Variants in UBXN2B observed in about 807,000 individuals in gnomAD.
UBXN2B encodes the protein UBX domain protein 2B.
In UBXN2B, 19 loss-of-function variants were observed where a neutral mutation model predicts 37.5. The ratio of observed to expected loss-of-function variants is 0.51; its 90% CI spans 0.35 to 0.74. UBXN2B has a LOEUF of 0.74. Ranked by LOEUF, UBXN2B falls within the 30% of genes least tolerant of loss-of-function variation. UBXN2B has a pLI of 0.01. For missense variants in UBXN2B, 370 were observed against 393.2 expected, an observed-to-expected ratio of 0.94 and a Z score of 0.50; for synonymous variants, 145 against 143.8, an observed-to-expected ratio of 1.01 and a Z score of -0.06.
Position 58,441,348 on chromosome 8 carries a change from C to CGTGTATATATATATATATATATATATAT in UBXN2B, c.671+1578_671+1579insGTGTATATATATATATATATATATATAT, listed in dbSNP as rs1242681481. The stretch of plus-strand genomic sequence containing the variant: ...TTTTTACTCCTCTTGTTGTGATCAA[C>CGTGTATATATATATATATATATATATAT]ATATATATATATATATATATGTATG... On this transcript the variant is annotated intron_variant, in intron 6 of 7. Transcript: ENST00000399598. Among the ~76,000 whole-genome samples the CGTGTATATATATATATATATATATATAT allele has an allele frequency of 5.8e-4, 61 of 104,626 alleles. 1 individual carries two copies. The highest frequency in any genetic ancestry group is 2.3e-3 in the African/African-American group (58 of 24,982). 68.6% of individuals were successfully genotyped at this position (104,626 alleles called of 152,430 possible).
chr8:58,417,812 A>G (rs1481104925), intron 2 of UBXN2B, among the ~76,000 whole-genome samples: 1 of 152,184 alleles, frequency 6.6e-6, no homozygotes, highest in Non-Finnish European at 1.5e-5. Flanking sequence ...GCACGCATGT[A>G]TTCTCTCTCT....
intron 2 of UBXN2B, among the ~76,000 whole-genome samples, chr8:58,422,720 C>T (rs1807960221): frequency 6.6e-6 from 1 of 152,212 alleles, no homozygotes; most frequent in African/African-American, 2.4e-5. Context: ...CTTTCAAAAG[C>T]CCTGAGTCCC....
chr8:58,421,363 A>G (rs1807919781), intron 2 of UBXN2B, among the ~76,000 whole-genome samples: 1 of 151,334 alleles, frequency 6.6e-6, no homozygotes, highest in Admixed American at 6.6e-5. Context: ...TTTTAAAGCT[A>G]TTAAGACTGT....
At chr8:58,436,196 AGT>A (rs1192148518) in intron 5 of UBXN2B, among the ~76,000 whole-genome samples, 1 of 152,244 alleles carries the variant, frequency 6.6e-6, no homozygotes, top group East Asian at 1.9e-4. Flanking sequence ...AATTACTACA[AGT>A]AGCATTGCAT....
intron 7 of UBXN2B, among the ~76,000 whole-genome samples, chr8:58,446,305 A>G (rs1808666006): frequency 6.6e-6 from 1 of 152,228 alleles, no homozygotes; most frequent in Non-Finnish European, 1.5e-5. Flanking sequence ...GATCTCAGAT[A>G]TCACACAAAA....
At position 58,448,487 on chromosome 8, in the gene UBXN2B, T is replaced by A. The variant is rs981051379; in HGVS notation, c.*936T>A. On this transcript the variant is annotated 3_prime_UTR_variant, in exon 8 of 8. Coordinates refer to ENST00000399598, the MANE Select transcript of UBXN2B (RefSeq NM_001077619.2). Reference sequence around the variant, plus strand: ...CCACGCCCAGCCTAAAGGTCAGCAGTTCTTAAGAAGATATGGTAAACAGCA... The same window carrying A: ...CCACGCCCAGCCTAAAGGTCAGCAGATCTTAAGAAGATATGGTAAACAGCA... 1.3e-5 allele frequency: 2 copies of A among 152,194 alleles called. No homozygotes were observed. Among genetic ancestry groups the A allele is most frequent in the African/African-American group, 4.8e-5 (2 of 41,442 alleles). The allele number at this position is 152,194 out of a possible 1,614,324, so 9.4% of individuals were successfully genotyped here.
intron 7 of UBXN2B, among the ~76,000 whole-genome samples, chr8:58,446,603 A>G (rs1808674243): frequency 6.6e-6 from 1 of 151,866 alleles, no homozygotes; most frequent in African/African-American, 2.4e-5. Context: ...CCTAATAGAT[A>G]TATTTATGAT....
intron 2 of UBXN2B, 130 bp downstream of exon 2, chr8:58,417,083 C>A (rs1045382926): frequency 3.0e-6 from 2 of 671,648 alleles, no homozygotes; most frequent in African/African-American, 1.8e-5. Context: ...ATTCCAAGAT[C>A]GAGGCAGATT....
chr8:58,424,932 TCTGTTGATGTCAGTC>T, intron 2 of UBXN2B: 1 of 431,544 alleles, frequency 2.3e-6, no homozygotes, highest in Non-Finnish European at 4.2e-6. Flanking sequence ...CACCTTTCTC[TCTGTTGATGTCAGTC>T]AGAATATCAA....
intron 3 of UBXN2B, 147 bp downstream of exon 3, chr8:58,430,816 T>A: frequency 1.5e-6 from 1 of 679,128 alleles, no homozygotes; most frequent in Non-Finnish European, 2.1e-6. Flanking sequence ...ATATTTCTAT[T>A]AATGATTGAA....
At chr8:58,426,861 C>T (rs1190877662) in intron 2 of UBXN2B, among the ~76,000 whole-genome samples, 1 of 152,236 alleles carries the variant, frequency 6.6e-6, no homozygotes, top group Non-Finnish European at 1.5e-5. Flanking sequence ...GTGCAGCCGC[C>T]CCCTAGGCTG....
At chr8:58,412,812 G>A (rs77327359) in intron 1 of UBXN2B, among the ~76,000 whole-genome samples, 10,089 of 152,186 alleles carry the variant, frequency 0.066, 347 homozygotes, top group Middle Eastern at 0.14. Flanking sequence ...GGTGGTGTAA[G>A]GATTAAATAA....
intron 1 of UBXN2B, among the ~76,000 whole-genome samples, chr8:58,412,280 T>A (rs976218492): frequency 6.6e-6 from 1 of 152,202 alleles, no homozygotes; most frequent in Non-Finnish European, 1.5e-5. Flanking sequence ...CAAACCACCA[T>A]CCATTGTAAC....
chr8:58,429,169 G>C (rs1023475228), intron 2 of UBXN2B, among the ~76,000 whole-genome samples: 3 of 152,172 alleles, frequency 2.0e-5, no homozygotes, highest in Admixed American at 6.5e-5. Context: ...TATTCACTTT[G>C]CCAGATTAGA....
At chr8:58,431,206 G>A (rs1308900920) in intron 3 of UBXN2B, among the ~76,000 whole-genome samples, 3 of 152,170 alleles carry the variant, frequency 2.0e-5, no homozygotes, top group Non-Finnish European at 2.9e-5. Context: ...TAAACCAGCC[G>A]GGTGTGGTGG....
chr8:58,445,100 G>A (rs1413316738), intron 6 of UBXN2B, among the ~76,000 whole-genome samples: 1 of 152,092 alleles, frequency 6.6e-6, no homozygotes, highest in Non-Finnish European at 1.5e-5. Context: ...TGAGAAAATT[G>A]AGCTAAATTT....
intron 2 of UBXN2B, chr8:58,424,547 A>G: frequency 1.1e-6 from 1 of 872,988 alleles, no homozygotes; most frequent in East Asian, 2.5e-5. Flanking sequence ...GAGAGAGTGA[A>G]GTCCACATCT....
chr8:58,432,346 T>C (rs537032917), intron 3 of UBXN2B, among the ~76,000 whole-genome samples: 63 of 151,604 alleles, frequency 4.2e-4, no homozygotes, highest in Admixed American at 2.8e-3. Context: ...CCTTTCTCCA[T>C]TGAATTGCTT....
intron 5 of UBXN2B, among the ~76,000 whole-genome samples, chr8:58,437,046 C>T (rs548248232): frequency 7.2e-5 from 11 of 152,264 alleles, no homozygotes; most frequent in African/African-American, 1.2e-4. Flanking sequence ...AGACTTTGGA[C>T]GTCCTTGAAG....
Sources: allele counts gnomAD v4.1 joint callset (sites outside exome capture counted in the v4.1 genomes callset), GRCh38; gene constraint gnomAD v4.1.1; transcripts MANE v1.5; gene names NCBI Gene and HGNC (gene_info 2026-07-23, HGNC 2026-07-21).